FANCB: variants seen among roughly 807,000 people sequenced by gnomAD.
FANCB encodes Fanconi anemia group B protein.
Under a neutral mutation model 38.9 loss-of-function variants are expected in FANCB, and 5 were observed. That is an observed-to-expected ratio of 0.13 (90% confidence interval 0.07 to 0.27). The LOEUF (loss-of-function observed/expected upper bound fraction) is 0.27. Among genes scored for constraint, FANCB ranks in the 10% least tolerant of loss-of-function variants. The pLI is 1.00. For missense variants in FANCB, 573 were observed against 602.7 expected (o/e 0.95, Z 0.52); for synonymous variants, 236 against 215.4 (o/e 1.10, Z -0.84).
At chrX:14,728,213 A>AC in the FANCB span, among the ~76,000 whole-genome samples, 3 of 110,089 alleles carry the variant, frequency 2.7e-5, no homozygotes, top group Non-Finnish European at 5.7e-5. Flanking sequence ...ACATAGTGGG[A>AC]CCCCGTCTCT....
intron 5 of FANCB, among the ~76,000 whole-genome samples, chrX:14,856,104 T>C (rs772915727): frequency 8.9e-6 from 1 of 112,209 alleles, no homozygotes; most frequent in African/African-American, 3.2e-5. Flanking sequence ...TATACACTAT[T>C]CTTTTTGACA....
intron 10 of FANCB, among the ~76,000 whole-genome samples, chrX:14,837,686 T>C (rs367760787): frequency 1.8e-5 from 2 of 112,452 alleles, no homozygotes; most frequent in African/African-American, 6.5e-5. Context: ...CAACAATAAA[T>C]GCATTTTGGT....
chrX:14,836,115 G>A (rs2092340591), exon 11 of FANCB: 1 of 112,151 alleles, frequency 8.9e-6, no homozygotes, highest in African/African-American at 3.2e-5. Context: ...AGTGTCACAA[G>A]CTATGACACG....
the FANCB span, among the ~76,000 whole-genome samples, chrX:14,769,008 C>T: frequency 2.7e-5 from 3 of 111,571 alleles, no homozygotes; most frequent in Non-Finnish European, 5.7e-5. Context: ...AGGGATGAAG[C>T]CAACTAGATC....
At chrX:14,803,753 G>A in the FANCB span, among the ~76,000 whole-genome samples, 3 of 110,479 alleles carry the variant, frequency 2.7e-5, no homozygotes, top group South Asian at 3.8e-4. Context: ...CATCAGAAAC[G>A]TTAAAATGAG....
At chrX:14,730,949 CAA>C in the FANCB span, 1 of 82,902 alleles carries the variant, frequency 1.2e-5, no homozygotes, top group Non-Finnish European at 2.4e-5. Flanking sequence ...CACACACACA[CAA>C]ACTTCAAAAA....
chrX:14,720,968 A>G, the FANCB span, among the ~76,000 whole-genome samples: 1 of 109,511 alleles, frequency 9.1e-6, no homozygotes, highest in Non-Finnish European at 1.9e-5. Context: ...CCCCACCTCT[A>G]CAAAAAAATT....
chrX:14,719,991 G>T, the FANCB span, among the ~76,000 whole-genome samples: 1 of 111,456 alleles, frequency 9.0e-6, no homozygotes, highest in Admixed American at 9.6e-5. Flanking sequence ...TGAAAAAGTA[G>T]ATCTCATAGA....
At chrX:14,730,421 T>C in the FANCB span, 6 of 1,205,983 alleles carry the variant, frequency 5.0e-6, no homozygotes, top group Non-Finnish European at 6.7e-6. Flanking sequence ...GCCTTCCTCA[T>C]TTTCAACATC....
the FANCB span, among the ~76,000 whole-genome samples, chrX:14,760,548 A>G: frequency 8.9e-6 from 1 of 112,214 alleles, no homozygotes; most frequent in African/African-American, 3.2e-5. Context: ...TGATAAATGT[A>G]TGAGGTGAGG....
At chrX:14,744,057 A>G in the FANCB span, among the ~76,000 whole-genome samples, 1 of 112,096 alleles carries the variant, frequency 8.9e-6, no homozygotes, top group Non-Finnish European at 1.9e-5. Context: ...AATTTTGGGT[A>G]CACACTATTC....
the FANCB span, among the ~76,000 whole-genome samples, chrX:14,693,866 A>T: frequency 8.9e-6 from 1 of 112,332 alleles, no homozygotes; most frequent in Non-Finnish European, 1.9e-5. Flanking sequence ...TGGAAGTTAG[A>T]AAATATTTTG....
At chrX:14,783,729 A>G in the FANCB span, among the ~76,000 whole-genome samples, 1 of 112,691 alleles carries the variant, frequency 8.9e-6, no homozygotes, top group Non-Finnish European at 1.9e-5. Flanking sequence ...ACATATTTCA[A>G]TATGAAAAGG....
chrX:14,720,781 C>T, the FANCB span, among the ~76,000 whole-genome samples: 8 of 111,775 alleles, frequency 7.2e-5, no homozygotes, highest in Admixed American at 7.6e-4. Flanking sequence ...TAAAGACCTC[C>T]TTTCATTTTA....
the FANCB span, among the ~76,000 whole-genome samples, chrX:14,788,353 C>A: frequency 9.0e-6 from 1 of 111,472 alleles, no homozygotes; most frequent in Non-Finnish European, 1.9e-5. Context: ...ACTCAGACAT[C>A]CAAGGTAGGG....
the FANCB span, among the ~76,000 whole-genome samples, chrX:14,795,512 T>C: frequency 9.0e-6 from 1 of 110,522 alleles, no homozygotes. Context: ...GGAGAGAGGG[T>C]GTGATGCACA....
chrX:14,703,869 T>C, the FANCB span, among the ~76,000 whole-genome samples: 1 of 111,965 alleles, frequency 8.9e-6, no homozygotes, highest in Non-Finnish European at 1.9e-5. Flanking sequence ...ACATCCTTTA[T>C]TGACTTTTCT....
the FANCB span, among the ~76,000 whole-genome samples, chrX:14,811,537 C>G: frequency 9.9e-5 from 11 of 110,940 alleles, no homozygotes; most frequent in Non-Finnish European, 1.9e-4. Context: ...ATAAAACAGA[C>G]TTTAAACCAA....
the FANCB span, among the ~76,000 whole-genome samples, chrX:14,724,686 A>G: frequency 9.2e-6 from 1 of 108,858 alleles, no homozygotes; most frequent in Non-Finnish European, 1.9e-5. Context: ...CAATAAATAA[A>G]TCCTGGAAGT....
Sources: allele counts gnomAD v4.1 joint callset (sites outside exome capture counted in the v4.1 genomes callset), GRCh38; gene constraint gnomAD v4.1.1; transcripts MANE v1.5; gene names NCBI Gene and HGNC (gene_info 2026-07-23, HGNC 2026-07-21).